Variants in GINS2 observed in about 807,000 individuals in gnomAD.
GINS2 encodes the protein DNA replication complex GINS protein PSF2.
A neutral mutation model predicts 21.2 loss-of-function variants in GINS2; 23 were observed. The ratio of observed to expected loss-of-function variants is 1.08; its 90% CI spans 0.78 to 1.53. GINS2 has a LOEUF of 1.53. Among genes scored for constraint, GINS2 ranks in the 40% most tolerant of loss-of-function variants. The probability of loss-of-function intolerance (pLI) is 0.00; values close to 1 mark genes in which losing one functional copy is unlikely to be tolerated. For missense variants in GINS2, 323 were observed against 233.9 expected, an observed-to-expected ratio of 1.38 and a Z score of -2.49; for synonymous variants, 118 against 85.6, an observed-to-expected ratio of 1.38 and a Z score of -2.09.
In GINS2 at chr16:85,678,004, C is replaced by T; in HGVS notation, c.*208G>A. On this transcript the variant is annotated 3_prime_UTR_variant, in exon 5 of 5. Transcript: ENST00000253462. ...GGGAAAAAGGGCTGGTTTCTAGAAA[C>T]AGATGTGGAATTGAAGAATGTCCCA... The T allele has an allele frequency of 8.2e-6, 4 of 490,496 alleles. No homozygotes were observed. The highest frequency in any genetic ancestry group is 1.4e-5 in the Non-Finnish European group (4 of 277,572). The allele number at this position is 490,496 out of a possible 1,614,324, so 30.4% of individuals were successfully genotyped here.
At chr16:85,683,007 C>T (rs978028577) in intron 2 of GINS2, among the ~76,000 whole-genome samples, 3 of 152,014 alleles carry the variant, frequency 2.0e-5, no homozygotes, top group African/African-American at 7.2e-5. Context: ...ACCACCCCAT[C>T]CCCCAAACTC....
intron 2 of GINS2, among the ~76,000 whole-genome samples, chr16:85,684,277 T>C (rs999104509): frequency 6.6e-6 from 1 of 152,084 alleles, no homozygotes; most frequent in African/African-American, 2.4e-5. Context: ...GAGGTTGCAG[T>C]GAGCCATGAT....
At chr16:85,679,874 T>C (rs1032427296) in intron 3 of GINS2, among the ~76,000 whole-genome samples, 1 of 152,140 alleles carries the variant, frequency 6.6e-6, no homozygotes, top group African/African-American at 2.4e-5. Flanking sequence ...CAGCAGAACC[T>C]ATGCCTCCAT....
Position 85,687,549 on chromosome 16 carries a change from C to A in GINS2, c.116G>T (p.Gly39Val), listed in dbSNP as rs750348978. 22 of 1,582,706 alleles carry A rather than the reference C, an allele frequency of 1.4e-5. No individual in the cohort carries two copies. In the East Asian group the frequency reaches 5.0e-4, roughly 36 times the overall value. ...IGGDLGPFNP[G>V]LPVEVPLWLA... is the part of the protein sequence containing the mutation. ...CCACAGGGGCACTTCCACGGGTAAA[C>A]CAGGGTTAAAAGGCCCCAGGTCCCC... The change falls in exon 2 of 5, where the codon GGT (glycine) becomes GTT (valine). Residue 39 changes from glycine to valine, a missense_variant. Transcript: ENST00000253462.
At chr16:85,683,026 G>A (rs2053747319) in intron 2 of GINS2, among the ~76,000 whole-genome samples, 1 of 151,986 alleles carries the variant, frequency 6.6e-6, no homozygotes, top group Non-Finnish European at 1.5e-5. Flanking sequence ...TCCCTGTGTA[G>A]CTCCTACCCA....
In GINS2 at chr16:85,687,568, GGTCCCCCTGCCAAAA is replaced by G; in HGVS notation, c.91-9_96del. On this transcript the variant is annotated splice_acceptor_variant and splice_polypyrimidine_tract_variant and coding_sequence_variant and intron_variant, in exon 2 of 5. Transcript: ENST00000253462. LOFTEE classifies it high-confidence loss of function. ...GGTAAACCAGGGTTAAAAGGCCCCA[GGTCCCCCTGCCAAAA>G]GTAAAACAATTCCCCGTAAGATTGA... is the stretch of plus-strand genomic sequence containing the variant. 1 of 1,550,186 alleles carries G rather than the reference GGTCCCCCTGCCAAAA, an allele frequency of 6.5e-7. No individual in the cohort carries two copies. The highest frequency in any genetic ancestry group is 2.3e-5 in the East Asian group (1 of 42,932).
rs1311140672 is a variant in GINS2, at chr16:85,677,955, G to A, written c.*257C>T. On this transcript the variant is annotated 3_prime_UTR_variant, in exon 5 of 5. Coordinates refer to ENST00000253462, the MANE Select transcript of GINS2 (RefSeq NM_016095.3). ...AGGGAGAATGACTTATTTACCTAAG[G>A]CTTTTTTATTTCTCAAAAGTGGGGG... 7.3e-6 allele frequency: 3 copies of A among 412,550 alleles called. No homozygotes were observed. Among genetic ancestry groups the A allele is most frequent in the African/African-American group, 2.0e-5 (1 of 48,880 alleles). The allele number at this position is 412,550 out of a possible 1,614,324, so 25.6% of individuals were successfully genotyped here. A position where few individuals can be genotyped will look rare whatever the true frequency, so the allele number is the denominator to read the frequency against.
rs564301681 is a variant in GINS2, at chr16:85,687,535, C to A, written c.130G>T (p.Val44Leu). The change falls in exon 2 of 5, where the codon GTG (valine) becomes TTG (leucine). Residue 44 changes from valine to leucine, a missense_variant. Coordinates refer to ENST00000253462, the MANE Select transcript of GINS2 (RefSeq NM_016095.3). The part of the protein sequence containing the change: ...GPFNPGLPVE[V>L]PLWLAINLKQ... The stretch of plus-strand genomic sequence containing the variant: ...AGGTTAATCGCCAGCCACAGGGGCA[C>A]TTCCACGGGTAAACCAGGGTTAAAA... The A allele has an allele frequency of 6.3e-7, 1 of 1,597,248 alleles. No homozygotes were observed. Among genetic ancestry groups the A allele is most frequent in the South Asian group, 1.1e-5 (1 of 88,356 alleles).
intron 3 of GINS2, 127 bp from the exon 4 acceptor site, chr16:85,678,793 T>C: frequency 1.1e-6 from 1 of 908,740 alleles, no homozygotes; most frequent in Non-Finnish European, 1.7e-6. Context: ...TTTGCTTTAT[T>C]TTCAACTTTA....
rs1010620981 is a variant in GINS2, at chr16:85,687,381, T to C, written c.205+79A>G. The C allele has an allele frequency of 1.4e-5, 10 of 732,836 alleles. No homozygotes were observed. In the Middle Eastern group the frequency reaches 1.2e-3, roughly 90 times the overall value. The allele number at this position is 732,836 out of a possible 1,614,324, so 45.4% of individuals were successfully genotyped here. A position where few individuals can be genotyped will look rare whatever the true frequency, so the allele number is the denominator to read the frequency against. On this transcript the variant is annotated intron_variant, in intron 2 of 4. Transcript: ENST00000253462. ...GGACCTAGTCAGGAAGGAGGCCCCA[T>C]GCCTCCACCCCGTGGGAGAGGGCGT...
chr16:85,684,425 T>G (rs546996521), intron 2 of GINS2, among the ~76,000 whole-genome samples: 6 of 151,782 alleles, frequency 4.0e-5, no homozygotes, highest in African/African-American at 1.5e-4. Flanking sequence ...AGCCCAGGAG[T>G]TGGAGGCTGC....
rs914022570 is a variant in GINS2 at position 85,678,344 on chromosome 16, C to T, written c.433-7G>A. ...TCAAGGTCAAGTTATCCAGCTAAAG[C>T]AAGAAAACAGACCAAGTTGGCCAAG... On this transcript the variant is annotated splice_region_variant and splice_polypyrimidine_tract_variant and intron_variant, in intron 4 of 4. Transcript: ENST00000253462. The T allele has an allele frequency of 2.5e-6, 4 of 1,613,594 alleles. No individual in the cohort carries two copies. The highest frequency in any genetic ancestry group is 1.7e-5 in the Admixed American group (1 of 59,952).
intron 1 of GINS2, 133 bp downstream of exon 1, chr16:85,688,676 A>C (rs1412313912): frequency 2.3e-6 from 1 of 443,434 alleles, no homozygotes; most frequent in African/African-American, 2.0e-5. Flanking sequence ...GCGGTGAGCG[A>C]GTCAAGCGCC....
chr16:85,685,804 G>A (rs1158978267), intron 2 of GINS2, among the ~76,000 whole-genome samples: 3 of 151,538 alleles, frequency 2.0e-5, no homozygotes, highest in East Asian at 1.9e-4. Context: ...TGTCTTAAAC[G>A]GACCCCAGAG....
intron 2 of GINS2, among the ~76,000 whole-genome samples, chr16:85,683,910 G>T (rs1318145172): frequency 1.3e-5 from 2 of 152,204 alleles, no homozygotes; most frequent in Non-Finnish European, 2.9e-5. Context: ...CAGCTGCTTT[G>T]AAGGACCAGG....
At chr16:85,680,565 T>G (rs1349724884) in intron 3 of GINS2, among the ~76,000 whole-genome samples, 1 of 152,016 alleles carries the variant, frequency 6.6e-6, no homozygotes, top group Non-Finnish European at 1.5e-5. Flanking sequence ...TGGGGACATA[T>G]GCATACGAGA....
intron 2 of GINS2, among the ~76,000 whole-genome samples, chr16:85,682,572 T>C (rs1206495413): frequency 1.4e-5 from 2 of 145,274 alleles, no homozygotes. Flanking sequence ...TACAATATCC[T>C]AGGGGTTAAG....
intron 3 of GINS2, among the ~76,000 whole-genome samples, chr16:85,680,593 T>G (rs183751745): frequency 6.6e-6 from 1 of 151,834 alleles, no homozygotes; most frequent in East Asian, 1.9e-4. Flanking sequence ...CCTGCCCATT[T>G]AGAATGGGTA....
Position 85,678,607 on chromosome 16 carries a change from T to A in GINS2, c.365A>T (p.Asp122Val). The A allele has an allele frequency of 1.2e-6, 2 of 1,613,964 alleles. No homozygotes were observed. Among genetic ancestry groups the A allele is most frequent in the Non-Finnish European group, 1.7e-6 (2 of 1,179,952 alleles). ...EIRTLVKDMW[D>V]TRIAKLRVSA... ...CACTCGGAGTTTGGCTATACGAGTG[T>A]CCCACATATCCTTGACCAGGGTCCG... The change falls in exon 4 of 5, where the codon GAC (aspartate) becomes GTC (valine). Residue 122 changes from aspartate to valine, a missense_variant. By Grantham distance (152) the Asp-to-Val change is radical (BLOSUM62 -3). Transcript: ENST00000253462.
Sources: allele counts gnomAD v4.1 joint callset (sites outside exome capture counted in the v4.1 genomes callset), GRCh38; gene constraint gnomAD v4.1.1; transcripts MANE v1.5; gene names NCBI Gene and HGNC (gene_info 2026-07-23, HGNC 2026-07-21).